Variants in CAPN10 observed in about 807,000 individuals in gnomAD.
CAPN10 encodes the protein calpain 10, also known as calpain-10.
CAPN10 carries 71 observed loss-of-function variants against 78.4 expected under a neutral mutation model. The ratio of observed to expected loss-of-function variants is 0.91; its 90% CI spans 0.75 to 1.10. The LOEUF (loss-of-function observed/expected upper bound fraction) is 1.10, where lower values mean the gene tolerates loss of function less well. Ranked by LOEUF, CAPN10 falls within the 50% of genes least tolerant of loss-of-function variation. The probability of loss-of-function intolerance (pLI) is 0.00; values close to 1 mark genes in which losing one functional copy is unlikely to be tolerated. For missense variants in CAPN10, 849 were observed against 924.6 expected, an observed-to-expected ratio of 0.92 and a Z score of 1.06; for synonymous variants, 437 against 407.2, an observed-to-expected ratio of 1.07 and a Z score of -0.88.
At chr2:240,589,509 C>G (rs778037172) in intron 2 of CAPN10, 35 bp downstream of exon 2, 2 of 1,579,932 alleles carry the variant, frequency 1.3e-6, no homozygotes, top group Non-Finnish European at 1.7e-6. Flanking sequence ...GTCCTGGAGC[C>G]GGTTTCTTTT....
At chr2:240,591,910 C>T (rs765208734) in intron 3 of CAPN10, 23 bp from the exon 4 acceptor site, 2 of 1,603,430 alleles carry the variant, frequency 1.2e-6, no homozygotes, top group Admixed American at 1.7e-5. Flanking sequence ...GAGGCTCACT[C>T]CCATGGTGAT....
Position 240,595,464 on chromosome 2 carries a change from C to T in CAPN10, c.1278+160C>T, listed in dbSNP as rs11890782. On this transcript the variant is annotated intron_variant, in intron 7 of 11. Transcript: ENST00000391984. ...GGCTGTTGCACGGGGTTGACGTCTG[C>T]TGGTGCTCCCAGACCCGGCTCTGAC... is the stretch of plus-strand genomic sequence containing the variant. 3,262 of 737,896 alleles carry T rather than the reference C, an allele frequency of 4.4e-3. 58 individuals are homozygous for T. The African/African-American group carries it at 0.047, about 11-fold the overall frequency. The allele number at this position is 737,896 out of a possible 1,614,324, so 45.7% of individuals were successfully genotyped here.
chr2:240,593,826 A>G lies in CAPN10; in HGVS notation c.689-80A>G, dbSNP rs1450832454. 2.7e-6 allele frequency: 4 copies of G among 1,480,882 alleles called. No homozygotes were observed. The African/African-American group carries it at 4.2e-5, about 16-fold the overall frequency. 91.7% of individuals were successfully genotyped at this position (1,480,882 alleles called of 1,614,324 possible). On this transcript the variant is annotated intron_variant, in intron 4 of 11. Coordinates refer to ENST00000391984, the MANE Select transcript of CAPN10 (RefSeq NM_023083.4). ...TGGGCTGGAGCATCTCCAGAGGAGG[A>G]GGCAGAGGCCTGTGTGTCCTTGTCA... is the stretch of plus-strand genomic sequence containing the variant.
At chr2:240,597,153 G>A (rs1325836852) in intron 9 of CAPN10, among the ~76,000 whole-genome samples, 2 of 152,288 alleles carry the variant, frequency 1.3e-5, no homozygotes, top group Admixed American at 1.3e-4. Context: ...AGGGCCGGGG[G>A]CCTGGGAGGT....
chr2:240,598,348 A>G lies in CAPN10; in HGVS notation c.1944-4A>G. On this transcript the variant is annotated splice_region_variant and splice_polypyrimidine_tract_variant and intron_variant, in intron 10 of 11. Transcript: ENST00000391984. ...GGGAGCGCTGATCTGGTGTCTCTCC[A>G]CAGGCCATCCATTCACAGCCAGGAG... is the stretch of plus-strand genomic sequence containing the variant. 1.9e-6 allele frequency: 3 copies of G among 1,613,776 alleles called. No homozygotes were observed. The highest frequency in any genetic ancestry group is 2.5e-6 in the Non-Finnish European group (3 of 1,179,966).
At chr2:240,596,146 G>C in intron 7 of CAPN10, 173 bp from the exon 8 acceptor site, 1 of 1,501,384 alleles carries the variant, frequency 6.7e-7, no homozygotes, top group Non-Finnish European at 8.9e-7. Context: ...AGTGAAGCCC[G>C]GGATTGGTGG....
chr2:240,594,546 T>G lies in CAPN10; in HGVS notation c.834T>G (p.Gly278=), dbSNP rs1040841293. 2.5e-6 allele frequency: 4 copies of G among 1,611,330 alleles called. No individual in the cohort carries two copies. Among genetic ancestry groups the G allele is most frequent in the Non-Finnish European group, 3.4e-6 (4 of 1,178,578 alleles). ...RCWQGLWREG[G]EGWSQVDAAV... The stretch of plus-strand genomic sequence containing the variant: ...GCTGAGATGAGGTTTCTTCCAGGGG[T>G]GAAGGGTGGAGCCAGGTAGATGCAG... The change falls in exon 6 of 12, where the codon GGT becomes GGG. Residue 278 remains glycine, a synonymous_variant. Transcript: ENST00000391984.
In CAPN10 at chr2:240,596,527, A is replaced by G; in HGVS notation, c.1481+6A>G. On this transcript the variant is annotated splice_donor_region_variant and intron_variant, in intron 8 of 11. Coordinates refer to ENST00000391984, the MANE Select transcript of CAPN10 (RefSeq NM_023083.4). ...ACCGGGCGAGTCTCCCTTAGGTGAG[A>G]GGAACCGCGCAGTGCTGCTGGCTCT... The G allele has an allele frequency of 6.3e-7, 1 of 1,598,550 alleles. No homozygotes were observed. Among genetic ancestry groups the G allele is most frequent in the South Asian group, 1.1e-5 (1 of 89,668 alleles).
Position 240,598,720 on chromosome 2 carries a change from G to T in CAPN10, c.*40G>T, listed in dbSNP as rs1362779866. Reference sequence around the variant, plus strand: ...GTGCCAGCTCAGGTGACTGGAGCCCGAGGGCCTGACAGGTTCCCAGCAGCT... The same window carrying T: ...GTGCCAGCTCAGGTGACTGGAGCCCTAGGGCCTGACAGGTTCCCAGCAGCT... On this transcript the variant is annotated 3_prime_UTR_variant, in exon 12 of 12. Coordinates refer to ENST00000391984, the MANE Select transcript of CAPN10 (RefSeq NM_023083.4). 1 of 1,551,570 alleles carries T rather than the reference G, an allele frequency of 6.4e-7. No individual in the cohort carries two copies. Among genetic ancestry groups the T allele is most frequent in the East Asian group, 2.4e-5 (1 of 42,424 alleles).
rs762453865 is a variant in CAPN10 at position 240,595,267 on chromosome 2, G to T, written c.1241G>T (p.Gly414Val). Residue 414 changes from glycine (G) to valine (V), a missense_variant, in exon 7 of 12, where the codon GGC becomes GTC. Gly to Val is a moderately radical substitution (Grantham distance 109, BLOSUM62 -3). Transcript: ENST00000391984. ...TCGTGGAGCCCAGCGAGCATCCCGG[G>T]CAAGCACTACCAGGCTGTGGGTCTG... ...HTSWSPASIP[G>V]KHYQAVGLHL... 3.1e-6 allele frequency: 5 copies of T among 1,613,452 alleles called. No homozygotes were observed. In the Admixed American group the frequency reaches 8.3e-5, roughly 27 times the overall value.
chr2:240,590,785 T>G, intron 2 of CAPN10, 30 bp from the exon 3 acceptor site: 1 of 1,608,010 alleles, frequency 6.2e-7, no homozygotes, highest in Non-Finnish European at 8.5e-7. Context: ...TATATCACGC[T>G]CGCCTTTTGC....
chr2:240,594,321 A>G (rs1358422494), intron 5 of CAPN10: 21 of 625,256 alleles, frequency 3.4e-5, no homozygotes, highest in Non-Finnish European at 5.9e-5. Context: ...AGAGGCGTGA[A>G]GTTCCTCTGG....
intron 7 of CAPN10, among the ~76,000 whole-genome samples, chr2:240,595,595 G>T (rs1012040867): frequency 1.3e-5 from 2 of 152,364 alleles, no homozygotes. Context: ...GGACCCGGGG[G>T]GCTCCTGGCA....
At chr2:240,591,285 A>G (rs547119679) in intron 3 of CAPN10, 11 of 406,312 alleles carry the variant, frequency 2.7e-5, no homozygotes, top group Admixed American at 2.1e-4. Flanking sequence ...CGTCCTCCTT[A>G]TTTTATCGGC....
chr2:240,588,319 A>C (rs1214362726), intron 1 of CAPN10, among the ~76,000 whole-genome samples: 3 of 152,048 alleles, frequency 2.0e-5, no homozygotes, highest in Non-Finnish European at 4.4e-5. Flanking sequence ...TTTACAGTCC[A>C]CAGCCTGGGA....
At chr2:240,593,545 C>G (rs2093116597) in intron 4 of CAPN10, among the ~76,000 whole-genome samples, 1 of 152,250 alleles carries the variant, frequency 6.6e-6, no homozygotes, top group Non-Finnish European at 1.5e-5. Context: ...CTCTAGATTT[C>G]TGGCAGTTGC....
chr2:240,598,427 A>G (rs1482782572), intron 11 of CAPN10, 30 bp downstream of exon 11: 15 of 1,612,616 alleles, frequency 9.3e-6, no homozygotes, highest in Non-Finnish European at 1.2e-5. Flanking sequence ...AGCCCGGCTC[A>G]CCTGCCTGGG....
chr2:240,589,131 G>C (rs1050540321), intron 1 of CAPN10, among the ~76,000 whole-genome samples: 7 of 152,160 alleles, frequency 4.6e-5, no homozygotes, highest in Admixed American at 3.9e-4. Context: ...AGTAAGGAAG[G>C]AAGGCACCCC....
Position 240,590,745 on chromosome 2 carries a change from C to T in CAPN10, c.274-70C>T, listed in dbSNP as rs73108052. On this transcript the variant is annotated intron_variant, in intron 2 of 11. Transcript: ENST00000391984. ...CACTCAGCTGTGGCCACACCGCGGC[C>T]GGGACACTGGAGTAGCGCCGGGTGG... The T allele has an allele frequency of 3.9e-4, 575 of 1,472,534 alleles. 1 individual carries two copies. In the African/African-American group the frequency reaches 6.1e-3, roughly 16 times the overall value. 91.2% of individuals were successfully genotyped at this position (1,472,534 alleles called of 1,614,324 possible).
Sources: allele counts gnomAD v4.1 joint callset (sites outside exome capture counted in the v4.1 genomes callset), GRCh38; gene constraint gnomAD v4.1.1; transcripts MANE v1.5; gene names NCBI Gene and HGNC (gene_info 2026-07-23, HGNC 2026-07-21).